Variants in KATNIP observed in about 807,000 individuals in gnomAD.
The protein encoded by KATNIP is katanin-interacting protein.
In KATNIP, 126 loss-of-function variants were observed where a neutral mutation model predicts 174.0. The observed-to-expected ratio is 0.72, with a 90% confidence interval of 0.63 to 0.84. The LOEUF is 0.84. Ranked by LOEUF, KATNIP falls within the 40% of genes least tolerant of loss-of-function variation. The pLI, the probability that KATNIP is intolerant of heterozygous loss-of-function variation, is 0.00. For missense variants in KATNIP, 1,958 were observed against 2,109.7 expected (o/e 0.93, Z 1.41); for synonymous variants, 810 against 835.7 (o/e 0.97, Z 0.53).
intron 6 of KATNIP, among the ~76,000 whole-genome samples, chr16:27,658,758 G>T (rs534305722): frequency 1.2e-4 from 19 of 152,068 alleles, no homozygotes; most frequent in South Asian, 6.3e-4. Flanking sequence ...TTTGTTTTTT[G>T]TTGTTGTTGT....
In KATNIP at chr16:27,704,125, C is replaced by A. The variant is rs8051631; in HGVS notation, c.1389+127C>A. 5,313 of 697,104 alleles carry A rather than the reference C, an allele frequency of 7.6e-3. 237 individuals are homozygous for A. The African/African-American group carries it at 0.083, about 11-fold the overall frequency. 43.2% of individuals were successfully genotyped at this position (697,104 alleles called of 1,614,324 possible). A position where few individuals can be genotyped will look rare whatever the true frequency, so the allele number is the denominator to read the frequency against. The stretch of plus-strand genomic sequence containing the variant: ...TCTCTCTGCCTGTGTTTCCACCGCC[C>A]CCCCCCTCCCTGGCACACAGAGGTA... On this transcript the variant is annotated intron_variant, in intron 12 of 27. Coordinates refer to ENST00000261588, the MANE Select transcript of KATNIP (RefSeq NM_015202.5).
rs111350797 is a variant in KATNIP at position 27,737,047 on chromosome 16, G to A, written c.1744-2994G>A. Among the ~76,000 whole-genome samples the A allele has an allele frequency of 9.8e-3, 1,499 of 152,222 alleles. 21 individuals are homozygous for A. Among genetic ancestry groups the A allele is most frequent in the African/African-American group, 0.035 (1,436 of 41,532 alleles). On this transcript the variant is annotated intron_variant, in intron 14 of 27. Transcript: ENST00000261588. The stretch of plus-strand genomic sequence containing the variant: ...GAATGATGGACCCATTTTTAAGATA[G>A]TTTAAGACTAAGTGTGGAGAAAGTG...
At chr16:27,638,462 G>C (rs1043561403) in intron 5 of KATNIP, among the ~76,000 whole-genome samples, 1 of 152,224 alleles carries the variant, frequency 6.6e-6, no homozygotes, top group Non-Finnish European at 1.5e-5. Context: ...TGGAGAGGAA[G>C]ACAATCTTTC....
intron 8 of KATNIP, among the ~76,000 whole-genome samples, chr16:27,692,798 G>C (rs143222777): frequency 1.1e-3 from 160 of 152,328 alleles, no homozygotes; most frequent in African/African-American, 3.6e-3. Context: ...AGGGCAGAAA[G>C]TGTGCCCGTT....
Position 27,701,631 on chromosome 16 carries a change from G to A in KATNIP, c.1222G>A (p.Gly408Arg), listed in dbSNP as rs1450566346. The change falls in exon 11 of 28, where the codon GGG (glycine) becomes AGG (arginine). Residue 408 changes from glycine (G) to arginine (R), a missense_variant. Physicochemically the swap from Gly to Arg is moderately radical, Grantham distance 125. Transcript: ENST00000261588. ...GGCGACTACTACTCAGGAGCCGGCC[G>A]GGGCAGCAGGAGGAGCCAGGGCCAT... ...TTATTTQEPA[G>R]AAGGARAINQ... is the part of the protein sequence containing the mutation. 8.1e-6 allele frequency: 13 copies of A among 1,607,314 alleles called. No homozygotes were observed. The highest frequency in any genetic ancestry group is 6.7e-5 in the South Asian group (6 of 89,008).
In KATNIP at chr16:27,776,227, C is replaced by A. The variant is rs1219415076; in HGVS notation, c.4450-701C>A. 2.0e-5 allele frequency among the ~76,000 whole-genome samples: 3 copies of A among 152,188 alleles called. No individual in the cohort carries two copies. Among genetic ancestry groups the A allele is most frequent in the African/African-American group, 7.2e-5 (3 of 41,438 alleles). On this transcript the variant is annotated intron_variant, in intron 24 of 27. Transcript: ENST00000261588. This position sits in a 1 kb window ranked among gnomAD's most constrained non-coding sequence, Gnocchi z 4.7. ...GGCATATTCTGAGGATGGTCACAGGCTGGGGACCAGGGCCTGGGGCAGGAC... is the reference window on the plus strand; with the variant it reads ...GGCATATTCTGAGGATGGTCACAGGATGGGGACCAGGGCCTGGGGCAGGAC...
At position 27,761,492 on chromosome 16, in the gene KATNIP, G is replaced by A. The variant is rs200243100; in HGVS notation, c.3711G>A (p.Glu1237=). Reference sequence around the variant, plus strand: ...CTGGCCTGGAAGTGGTGGGCAAGGAGGGCCAGGCGCTGCCCATCCACCTGC... The same window carrying A: ...CTGGCCTGGAAGTGGTGGGCAAGGAAGGCCAGGCGCTGCCCATCCACCTGC... ...GLTGLEVVGK[E]GQALPIHLHQ... Residue 1237 remains glutamate, a synonymous_variant, in exon 19 of 28, where the codon GAG becomes GAA. Transcript: ENST00000261588. 2.8e-5 allele frequency: 46 copies of A among 1,614,082 alleles called. No homozygotes were observed. The East Asian group carries it at 8.9e-4, about 31-fold the overall frequency.
At chr16:27,771,085 C>T (rs1223607102) in intron 21 of KATNIP, among the ~76,000 whole-genome samples, 1 of 152,176 alleles carries the variant, frequency 6.6e-6, no homozygotes, top group Non-Finnish European at 1.5e-5. Context: ...GGCAGCCTGC[C>T]CCACCCAGTC....
chr16:27,621,549 G>C (rs1474690244), intron 3 of KATNIP, among the ~76,000 whole-genome samples: 1 of 151,980 alleles, frequency 6.6e-6, no homozygotes, highest in Non-Finnish European at 1.5e-5. Flanking sequence ...GCCTGGCATG[G>C]GCCCAATTCC....
chr16:27,736,012 T>C (rs1186679024), intron 14 of KATNIP, among the ~76,000 whole-genome samples: 1 of 152,200 alleles, frequency 6.6e-6, no homozygotes. Flanking sequence ...AATTTATTTA[T>C]TTATTTTGAG....
chr16:27,769,025 C>G (rs1426812172), intron 20 of KATNIP, among the ~76,000 whole-genome samples: 1 of 152,248 alleles, frequency 6.6e-6, no homozygotes, highest in Non-Finnish European at 1.5e-5. Context: ...GGTGGCTGGG[C>G]CGCCTCAGAC....
At position 27,779,900 on chromosome 16, in the gene KATNIP, T is replaced by C. The variant is rs1407466371; in HGVS notation, c.*1271T>C. ...CTATGCAACCGAGAGCCCCGGCAAA[T>C]ACTTCATGAGCTTAGCAGCCTGGGC... On this transcript the variant is annotated 3_prime_UTR_variant, in exon 28 of 28. Transcript: ENST00000261588. 6.6e-6 allele frequency: 1 copy of C among 152,164 alleles called. No individual in the cohort carries two copies. Among genetic ancestry groups the C allele is most frequent in the Non-Finnish European group, 1.5e-5 (1 of 68,032 alleles). 9.4% of individuals were successfully genotyped at this position (152,164 alleles called of 1,614,324 possible).
chr16:27,643,925 A>T (rs1425100252), intron 5 of KATNIP, among the ~76,000 whole-genome samples: 2 of 147,820 alleles, frequency 1.4e-5, no homozygotes, highest in African/African-American at 5.0e-5. Flanking sequence ...TTTCTTTTTT[A>T]TTTATTTATT....
chr16:27,663,547 C>G (rs904165450), intron 6 of KATNIP, among the ~76,000 whole-genome samples: 14 of 151,980 alleles, frequency 9.2e-5, no homozygotes, highest in African/African-American at 3.4e-4. Flanking sequence ...CTCCCAGGCT[C>G]AAGTGATTCG....
chr16:27,731,079 A>G (rs1056137087), intron 14 of KATNIP, among the ~76,000 whole-genome samples: 7 of 152,184 alleles, frequency 4.6e-5, no homozygotes, highest in African/African-American at 1.7e-4. Context: ...CTTCAAGGCG[A>G]GGACCCTGGC....
In KATNIP at chr16:27,777,383, C is replaced by G. The variant is rs997516467; in HGVS notation, c.4552-227C>G. ...TTGTGCTAATGGTATTAAAGCCCCT[C>G]GGGCCTCAATTTCCTCATCTGCAAT... is the stretch of plus-strand genomic sequence containing the variant. On this transcript the variant is annotated intron_variant, in intron 25 of 27. Transcript: ENST00000261588. The surrounding 1 kb of genome is among the most constrained non-coding windows in gnomAD (Gnocchi z 4.4). 2.6e-5 allele frequency among the ~76,000 whole-genome samples: 4 copies of G among 152,204 alleles called. No individual in the cohort carries two copies. The highest frequency in any genetic ancestry group is 2.6e-4 in the Admixed American group (4 of 15,282).
At chr16:27,591,480 C>T (rs779724574) in intron 2 of KATNIP, among the ~76,000 whole-genome samples, 6 of 152,110 alleles carry the variant, frequency 3.9e-5, no homozygotes, top group African/African-American at 1.4e-4. Context: ...CACGCCTGGC[C>T]GGAGTTGTGC....
chr16:27,575,906 G>A (rs1370716522), intron 2 of KATNIP, among the ~76,000 whole-genome samples: 2 of 152,166 alleles, frequency 1.3e-5, no homozygotes, highest in Non-Finnish European at 2.9e-5. Context: ...TTCTGGTAAG[G>A]AATCTTTCTC....
chr16:27,597,168 G>A (rs2141905606), intron 2 of KATNIP, among the ~76,000 whole-genome samples: 1 of 152,230 alleles, frequency 6.6e-6, no homozygotes, highest in Non-Finnish European at 1.5e-5. Flanking sequence ...ACTCTAGCCT[G>A]GGCAACAGAG....
Sources: allele counts gnomAD v4.1 joint callset (sites outside exome capture counted in the v4.1 genomes callset), GRCh38; gene constraint gnomAD v4.1.1; non-coding constraint Gnocchi (gnomAD v3.1); transcripts MANE v1.5; gene names NCBI Gene and HGNC (gene_info 2026-07-23, HGNC 2026-07-21).